The following ANO3 variants were observed in gnomAD, a reference collection of about 807,000 sequenced individuals.
ANO3 encodes the protein anoctamin-3.
In ANO3, 99 loss-of-function variants were observed where a neutral mutation model predicts 144.8. The observed-to-expected ratio is 0.68, with a 90% confidence interval of 0.58 to 0.81. The LOEUF (loss-of-function observed/expected upper bound fraction) is 0.81, where lower values mean the gene tolerates loss of function less well. Ranked by LOEUF, ANO3 falls within the 30% of genes least tolerant of loss-of-function variation. The pLI is 0.00. For synonymous variants in ANO3, 414 were observed against 392.6 expected (o/e 1.05, Z -0.64); for missense variants, 905 against 1,202.2 (o/e 0.75, Z 3.66).
chr11:26,194,143 T>G (rs1458575167), intron 1 of ANO3, among the ~76,000 whole-genome samples: 88 of 151,424 alleles, frequency 5.8e-4, no homozygotes, highest in African/African-American at 2.0e-3. Flanking sequence ...TGAGGTCACT[T>G]ATTATAATGG....
chr11:26,428,410 G>C (rs1186961959), intron 1 of ANO3, among the ~76,000 whole-genome samples: 1 of 152,106 alleles, frequency 6.6e-6, no homozygotes, highest in Non-Finnish European at 1.5e-5. Flanking sequence ...TGACAAAAAA[G>C]CAATTGTTTA....
At chr11:26,525,906 A>G (rs1189487186) in intron 7 of ANO3, among the ~76,000 whole-genome samples, 4 of 152,000 alleles carry the variant, frequency 2.6e-5, no homozygotes, top group African/African-American at 7.2e-5. Context: ...CCCATGTTAT[A>G]ATGTTATGGA....
chr11:26,577,579 AAG>A (rs1273198538), intron 14 of ANO3, among the ~76,000 whole-genome samples: 1 of 118,798 alleles, frequency 8.4e-6, no homozygotes, highest in East Asian at 2.6e-4. Flanking sequence ...AAAAAAAAAA[AAG>A]AGAGAGAGAG....
chr11:26,286,384 T>C (rs1280732077), intron 1 of ANO3, among the ~76,000 whole-genome samples: 1 of 152,168 alleles, frequency 6.6e-6, no homozygotes, highest in Non-Finnish European at 1.5e-5. Context: ...CAAAATCATG[T>C]TGGAAAAATG....
Position 26,545,713 on chromosome 11 carries a change from TAA to T in ANO3, c.1155-1690_1155-1689del, listed in dbSNP as rs5790585. 2.1e-3 allele frequency among the ~76,000 whole-genome samples: 308 copies of T among 148,946 alleles called. 2 individuals carry two copies. The highest frequency in any genetic ancestry group is 4.3e-3 in the East Asian group (22 of 5,068). On this transcript the variant is annotated intron_variant, in intron 11 of 26. Transcript: ENST00000256737. Reference sequence around the variant, plus strand: ...GAAATATGACACAAGGCACAAATATTAAAAAAAAAAAAAACAGATAAAAACAG... The same window carrying T: ...GAAATATGACACAAGGCACAAATATTAAAAAAAAAAAACAGATAAAAACAG...
At chr11:26,454,151 A>G (rs1209843581) in intron 3 of ANO3, among the ~76,000 whole-genome samples, 1 of 152,174 alleles carries the variant, frequency 6.6e-6, no homozygotes, top group African/African-American at 2.4e-5. Context: ...ACACCCTAAC[A>G]TCACAATTAA....
At chr11:26,263,335 T>C (rs958338814) in intron 1 of ANO3, among the ~76,000 whole-genome samples, 2 of 152,204 alleles carry the variant, frequency 1.3e-5, no homozygotes, top group Non-Finnish European at 2.9e-5. Flanking sequence ...CCAGAGGATT[T>C]ACCTTCCTCT....
chr11:26,613,858 G>A (rs1489349682), intron 17 of ANO3, among the ~76,000 whole-genome samples: 1 of 152,358 alleles, frequency 6.6e-6, no homozygotes, highest in East Asian at 1.9e-4. Flanking sequence ...GCCAGACAAG[G>A]GAAGCTGCAG....
In ANO3 at chr11:26,465,158, GTGTC is replaced by G. The variant is rs1194890182; in HGVS notation, c.432+2014_432+2017del. On this transcript the variant is annotated intron_variant, in intron 4 of 26. Transcript: ENST00000256737. Reference sequence around the variant, plus strand: ...TGTGTGTGTGTGTGTGTGTGTGTGTGTGTCTGTGTGTGAATTAAAGCATATATAT... The same window carrying G: ...TGTGTGTGTGTGTGTGTGTGTGTGTGTGTGTGTGAATTAAAGCATATATAT... 2.1e-3 allele frequency among the ~76,000 whole-genome samples: 259 copies of G among 120,848 alleles called. 1 individual carries two copies. Among genetic ancestry groups the G allele is most frequent in the African/African-American group, 8.8e-3 (240 of 27,190 alleles). 79.3% of individuals were successfully genotyped at this position (120,848 alleles called of 152,430 possible). A position where few individuals can be genotyped will look rare whatever the true frequency, so the allele number is the denominator to read the frequency against.
chr11:26,476,823 A>G (rs1859991078), intron 4 of ANO3, among the ~76,000 whole-genome samples: 1 of 151,864 alleles, frequency 6.6e-6, no homozygotes, highest in Non-Finnish European at 1.5e-5. Flanking sequence ...TCACACTGGA[A>G]TTGATTACTT....
Position 26,660,553 on chromosome 11 carries a change from A to G in ANO3, c.*109A>G. The G allele has an allele frequency of 1.1e-6, 1 of 917,892 alleles. No individual in the cohort carries two copies. Among genetic ancestry groups the G allele is most frequent in the Non-Finnish European group, 1.6e-6 (1 of 620,254 alleles). 56.9% of individuals were successfully genotyped at this position (917,892 alleles called of 1,614,324 possible). A position where few individuals can be genotyped will look rare whatever the true frequency, so the allele number is the denominator to read the frequency against. On this transcript the variant is annotated 3_prime_UTR_variant, in exon 27 of 27. Transcript: ENST00000256737. ...AAGGCATACTTGGCAAACCACATGT[A>G]TAATATGCTACTTGGAAATGTATCA...
At chr11:26,461,313 T>C (rs1213245836) in intron 3 of ANO3, among the ~76,000 whole-genome samples, 1 of 152,076 alleles carries the variant, frequency 6.6e-6, no homozygotes, top group Non-Finnish European at 1.5e-5. Context: ...CAAATCCAGA[T>C]TGTGCATTTT....
intron 1 of ANO3, among the ~76,000 whole-genome samples, chr11:26,365,333 T>A (rs1856038032): frequency 6.6e-6 from 1 of 152,206 alleles, no homozygotes; most frequent in African/African-American, 2.4e-5. Flanking sequence ...GGTTGCAAGC[T>A]GCCAGTGAAT....
At chr11:26,656,992 T>C (rs1376785141) in intron 26 of ANO3, among the ~76,000 whole-genome samples, 1 of 152,170 alleles carries the variant, frequency 6.6e-6, no homozygotes, top group African/African-American at 2.4e-5. Flanking sequence ...AATATCTGAT[T>C]GTAATCCTGT....
intron 1 of ANO3, among the ~76,000 whole-genome samples, chr11:26,365,975 TATATATATATATATATATATATATATA>T (rs1564984848): frequency 1.1e-5 from 1 of 87,536 alleles, no homozygotes; most frequent in Non-Finnish European, 2.5e-5. Context: ...TATATATATA[TATATATATATATATATATATATATATA>T]TTTTAATTAT....
chr11:26,506,139 G>A (rs1861427357), intron 4 of ANO3, among the ~76,000 whole-genome samples: 1 of 152,094 alleles, frequency 6.6e-6, no homozygotes, highest in African/African-American at 2.4e-5. Flanking sequence ...GCCTTCTGTG[G>A]CAAAAAAATT....
At chr11:26,405,953 G>A (rs917399065) in intron 1 of ANO3, among the ~76,000 whole-genome samples, 3 of 151,708 alleles carry the variant, frequency 2.0e-5, no homozygotes, top group African/African-American at 7.3e-5. Context: ...TAAGCATTGT[G>A]TTTCCAGTGG....
rs530645250 is a variant in ANO3 at position 26,231,131 on chromosome 11, C to A, written c.154+41801C>A. Among the ~76,000 whole-genome samples the A allele has an allele frequency of 1.6e-4, 25 of 152,210 alleles. No homozygotes were observed. The South Asian group carries it at 5.0e-3, about 30-fold the overall frequency. On this transcript the variant is annotated intron_variant, in intron 1 of 27. Coordinates refer to the ANO3 transcript ENST00000672621. ...TTACTTCATGATCCACCCGCCTTGG[C>A]CTCCCAAAGTGCTGGGATTACAAGC...
At chr11:26,304,212 G>T (rs904392165) in intron 1 of ANO3, among the ~76,000 whole-genome samples, 1 of 151,884 alleles carries the variant, frequency 6.6e-6, no homozygotes, top group African/African-American at 2.4e-5. Flanking sequence ...TGAAATAGAG[G>T]AAGCTTTTTA....
Sources: allele counts gnomAD v4.1 joint callset (sites outside exome capture counted in the v4.1 genomes callset), GRCh38; gene constraint gnomAD v4.1.1; transcripts MANE v1.5; gene names NCBI Gene and HGNC (gene_info 2026-07-23, HGNC 2026-07-21).